BPTF: variants seen among roughly 807,000 people sequenced by gnomAD.
The protein encoded by BPTF is nucleosome-remodeling factor subunit BPTF.
Under a neutral mutation model 292.5 loss-of-function variants are expected in BPTF, and 18 were observed. The ratio of observed to expected loss-of-function variants is 0.06; its 90% confidence interval spans 0.04 to 0.09. The LOEUF (loss-of-function observed/expected upper bound fraction) is 0.09, where lower values mean the gene tolerates loss of function less well. Among genes scored for constraint, BPTF ranks in the 10% least tolerant of loss-of-function variants. The pLI, the probability that BPTF is intolerant of heterozygous loss-of-function variation, is 1.00. For missense variants in BPTF, 2,726 were observed against 3,498.7 expected (o/e 0.78, Z 5.57); for synonymous variants, 1,225 against 1,251.9 (o/e 0.98, Z 0.45).
chr17:67,956,520 G>T, intron 23 of BPTF: 1 of 152,020 alleles, frequency 6.6e-6, no homozygotes, highest in Non-Finnish European at 1.5e-5. Context: ...GTTTCGCCAC[G>T]TTGGCCAGGC....
intron 1 of BPTF, among the ~76,000 whole-genome samples, chr17:67,840,856 C>T (rs926326323): frequency 5.3e-5 from 8 of 152,062 alleles, no homozygotes; most frequent in Non-Finnish European, 1.2e-4. Context: ...AGCCACCATG[C>T]CCAGCCAATT....
chr17:67,948,654 T>A (rs2065994078), intron 23 of BPTF, among the ~76,000 whole-genome samples: 1 of 152,122 alleles, frequency 6.6e-6, no homozygotes, highest in South Asian at 2.1e-4. Flanking sequence ...GACAGTGAAG[T>A]AACGTTGAAA....
chr17:67,893,430 A>G lies in BPTF; in HGVS notation c.2116A>G (p.Met706Val), dbSNP rs778573431. The G allele has an allele frequency of 3.7e-6, 6 of 1,614,210 alleles. No individual in the cohort carries two copies. Among genetic ancestry groups the G allele is most frequent in the South Asian group, 1.1e-5 (1 of 91,088 alleles). Residue 706 changes from methionine to valine, a missense_variant, in exon 6 of 28, where the codon ATG becomes GTG. Around this residue, in one of 22 missense-constraint regions of BPTF, gnomAD observed 63 missense variants for 84.1 expected, o/e 0.75. Coordinates refer to ENST00000306378, the MANE Select transcript of BPTF (RefSeq NM_182641.4). ...GTTGAGCACCAAAAAGGAAGTGATC[A>G]TGAAAGGAAATATCAACAATTATTT... is the stretch of plus-strand genomic sequence containing the variant. ...SRLSTKKEVI[M>V]KGNINNYFKL...
intron 18 of BPTF, among the ~76,000 whole-genome samples, chr17:67,939,427 A>G (rs1435684902): frequency 2.0e-5 from 3 of 152,236 alleles, no homozygotes; most frequent in Non-Finnish European, 2.9e-5. Flanking sequence ...TTAGCTACCA[A>G]AAAATTATTC....
In BPTF at chr17:67,982,545, T is replaced by C; in HGVS notation, c.*257T>C. On this transcript the variant is annotated 3_prime_UTR_variant, in exon 28 of 28. Coordinates refer to ENST00000306378, the MANE Select transcript of BPTF (RefSeq NM_182641.4). ...TTGTGGCAGAAGCGAGAAAACTTTG[T>C]TTATTGAAAAAAAAAGAAAAAGAAA... 1 of 359,870 alleles carries C rather than the reference T, an allele frequency of 2.8e-6. No individual in the cohort carries two copies. The allele number at this position is 359,870 out of a possible 1,614,324, so 22.3% of individuals were successfully genotyped here.
chr17:67,881,853 T>G (rs1314674787), intron 4 of BPTF, among the ~76,000 whole-genome samples: 1 of 6,828 alleles, frequency 1.5e-4, no homozygotes, highest in Non-Finnish European at 4.3e-4. Context: ...GGATTTTGGG[T>G]TTTTGTTTTT....
chr17:67,849,516 T>C (rs1448861335), intron 1 of BPTF, among the ~76,000 whole-genome samples: 1 of 152,252 alleles, frequency 6.6e-6, no homozygotes, highest in Non-Finnish European at 1.5e-5. Flanking sequence ...AGGTAACTTC[T>C]GGAATTTCAT....
rs117134135 is a variant in BPTF, at chr17:67,844,655, C to A, written c.614-9285C>A. 4.3e-4 allele frequency among the ~76,000 whole-genome samples: 66 copies of A among 152,114 alleles called. 1 individual carries two copies. The East Asian group carries it at 0.012, about 28-fold the overall frequency. ...AGCTCAGGCAATCTGCCCATCTCGG[C>A]CTCCCAAAGTACTAGGATTGCAGGG... On this transcript the variant is annotated intron_variant, in intron 1 of 27. Transcript: ENST00000306378.
At chr17:67,840,828 G>A (rs917537866) in intron 1 of BPTF, among the ~76,000 whole-genome samples, 1 of 151,986 alleles carries the variant, frequency 6.6e-6, no homozygotes, top group Non-Finnish European at 1.5e-5. Context: ...CTCCCAAAGT[G>A]CTGGAATTAC....
At chr17:67,875,501 C>T in intron 4 of BPTF, 1 of 1,371,462 alleles carries the variant, frequency 7.3e-7, no homozygotes, top group Non-Finnish European at 9.6e-7. Context: ...TGGCCATTTG[C>T]CCTGAAGCAA....
At position 67,983,014 on chromosome 17, in the gene BPTF, A is replaced by G. The variant is rs1355234202; in HGVS notation, c.*726A>G. 1.3e-5 allele frequency: 2 copies of G among 152,286 alleles called. No individual in the cohort carries two copies. Among genetic ancestry groups the G allele is most frequent in the Non-Finnish European group, 2.9e-5 (2 of 68,042 alleles). The allele number at this position is 152,286 out of a possible 1,614,324, so 9.4% of individuals were successfully genotyped here. A position where few individuals can be genotyped will look rare whatever the true frequency, so the allele number is the denominator to read the frequency against. ...CAGTACAATTTGTCAATTACTCTGC[A>G]CCAGGCTAAAATGAGTAAAATCTAT... is the stretch of plus-strand genomic sequence containing the variant. On this transcript the variant is annotated 3_prime_UTR_variant, in exon 28 of 28. Coordinates refer to ENST00000306378, the MANE Select transcript of BPTF (RefSeq NM_182641.4).
intron 2 of BPTF, among the ~76,000 whole-genome samples, chr17:67,863,564 G>A (rs542993060): frequency 4.6e-5 from 7 of 152,178 alleles, no homozygotes; most frequent in South Asian, 2.1e-4. Context: ...AATTACAGGC[G>A]TGAGCCACCA....
At chr17:67,914,041 A>G (rs980964080) in intron 11 of BPTF, among the ~76,000 whole-genome samples, 1 of 152,230 alleles carries the variant, frequency 6.6e-6, no homozygotes, top group Non-Finnish European at 1.5e-5. Context: ...AGGATGGAAC[A>G]TAAACACTGA....
chr17:67,853,227 A>C (rs776974854), intron 1 of BPTF, among the ~76,000 whole-genome samples: 1 of 152,250 alleles, frequency 6.6e-6, no homozygotes, highest in Non-Finnish European at 1.5e-5. Context: ...ATCACATCTC[A>C]TAATTGGAGA....
Position 67,825,743 on chromosome 17 carries a change from A to G in BPTF, c.19A>G (p.Arg7Gly). 1 of 1,027,922 alleles carries G rather than the reference A, an allele frequency of 9.7e-7. No individual in the cohort carries two copies. Among genetic ancestry groups the G allele is most frequent in the Non-Finnish European group, 1.2e-6 (1 of 861,392 alleles). The allele number at this position is 1,027,922 out of a possible 1,614,324, so 63.7% of individuals were successfully genotyped here. The change falls in exon 1 of 28, where the codon AGG becomes GGG. Residue 7 changes from arginine to glycine, a missense_variant. Transcript: ENST00000306378. ...CTCCGACATGAGGGGCCGGCGGGGC[A>G]GGCCGCCCAAGCAGCCCGCGGCTCC... MRGRRG[R>G]PPKQPAAPAA... is the part of the protein sequence containing the mutation.
chr17:67,903,972 T>C, intron 8 of BPTF, 54 bp downstream of exon 8: 1 of 1,438,460 alleles, frequency 7.0e-7, no homozygotes, highest in Non-Finnish European at 9.4e-7. Context: ...GAGACTTTTA[T>C]TCTGAAACTT....
chr17:67,977,087 A>C (rs140380622), intron 27 of BPTF, among the ~76,000 whole-genome samples: 131 of 152,148 alleles, frequency 8.6e-4, no homozygotes, highest in African/African-American at 2.8e-3. Context: ...ATGGAAGAAT[A>C]AATCTAAAAG....
intron 27 of BPTF, chr17:67,981,583 T>C: frequency 9.5e-7 from 1 of 1,056,342 alleles, no homozygotes; most frequent in Non-Finnish European, 1.1e-6. Context: ...ATGTTAAAGA[T>C]GTATCGTGGT....
intron 9 of BPTF, among the ~76,000 whole-genome samples, chr17:67,908,555 C>T (rs1253299507): frequency 5.0e-5 from 7 of 139,808 alleles, no homozygotes; most frequent in South Asian, 2.3e-4. Flanking sequence ...TGCAGTGGTA[C>T]GATCTCAGTT....
Sources: gnomAD v4.1 joint callset for allele counts (sites outside exome capture counted in the v4.1 genomes callset) on GRCh38, gnomAD v4.1.1 for gene constraint, gnomAD v4.1.1 regional missense constraint, MANE v1.5 for transcripts, NCBI Gene and HGNC (gene_info 2026-07-23, HGNC 2026-07-21) for gene names.